Variants in ALK observed in about 807,000 individuals in gnomAD.
ALK encodes ALK tyrosine kinase receptor.
ALK carries 74 observed loss-of-function variants against 163.1 expected under a neutral mutation model. The ratio of observed to expected loss-of-function variants is 0.45; its 90% CI spans 0.38 to 0.55. The LOEUF (loss-of-function observed/expected upper bound fraction) is 0.55, where lower values mean the gene tolerates loss of function less well. Among genes scored for constraint, ALK ranks in the 20% least tolerant of loss-of-function variants. ALK has a pLI of 0.00. For missense variants in ALK, 2,063 were observed against 2,105.3 expected (o/e 0.98, Z 0.39); for synonymous variants, 960 against 843.2 (o/e 1.14, Z -2.40).
chr2:29,508,733 C>A (rs1474477383), intron 4 of ALK, among the ~76,000 whole-genome samples: 3 of 65,496 alleles, frequency 4.6e-5, no homozygotes, highest in Admixed American at 2.3e-4. Context: ...ATCTGCAACT[C>A]AAAAAAAAAA....
intron 1 of ALK, among the ~76,000 whole-genome samples, chr2:29,770,889 CCACA>C (rs905110422): frequency 2.0e-5 from 3 of 150,748 alleles, no homozygotes; most frequent in South Asian, 2.1e-4. Context: ...ATGCACACAG[CCACA>C]CACACAGTCT....
chr2:29,677,103 C>T lies in ALK; in HGVS notation c.952+17747G>A, dbSNP rs1573547816. Among the ~76,000 whole-genome samples, 3 of 151,922 alleles carry T rather than the reference C, an allele frequency of 2.0e-5. No homozygotes were observed. The South Asian group carries it at 6.3e-4, about 32-fold the overall frequency. ...TAAAGGCAATTTTATTTTATCCTTT[C>T]CAATCTGTATATCTGTATGTTTTTA... is the stretch of plus-strand genomic sequence containing the variant. On this transcript the variant is annotated intron_variant, in intron 3 of 28. Coordinates refer to ENST00000389048, the MANE Select transcript of ALK (RefSeq NM_004304.5).
chr2:29,877,046 T>C (rs1479238158), intron 1 of ALK, among the ~76,000 whole-genome samples: 1 of 152,234 alleles, frequency 6.6e-6, no homozygotes, highest in African/African-American at 2.4e-5. Context: ...AGCTTAGAGC[T>C]AATCCAATCC....
intron 1 of ALK, among the ~76,000 whole-genome samples, chr2:29,897,795 C>T (rs1667308266): frequency 6.6e-6 from 1 of 152,142 alleles, no homozygotes; most frequent in Admixed American, 6.5e-5. Flanking sequence ...TGTCCATGCC[C>T]CTCCTGTACC....
In ALK at chr2:29,225,552, C is replaced by T. The variant is rs747320964; in HGVS notation, c.3081G>A (p.Pro1027=). ...TCAGCGAGAGTGGCAGGTGTGGCTC[C>T]GGGGTGGGTGACACTGGAAGACAGG... The part of the protein sequence containing the change: ...DGVSCIVSPT[P]EPHLPLSLIL... Residue 1027 remains proline, a synonymous_variant, in exon 19 of 29, where the codon CCG becomes CCA. Transcript: ENST00000389048. 72 of 1,599,534 alleles carry T rather than the reference C, an allele frequency of 4.5e-5. No homozygotes were observed. Among genetic ancestry groups the T allele is most frequent in the African/African-American group, 9.4e-5 (7 of 74,366 alleles).
chr2:29,516,329 T>C (rs1672662281), intron 4 of ALK, among the ~76,000 whole-genome samples: 1 of 152,188 alleles, frequency 6.6e-6, no homozygotes, highest in Non-Finnish European at 1.5e-5. Flanking sequence ...CTCTCCAGCT[T>C]GCAATGGTTC....
chr2:29,469,446 T>A (rs1036536530), intron 4 of ALK, among the ~76,000 whole-genome samples: 1 of 152,168 alleles, frequency 6.6e-6, no homozygotes, highest in Non-Finnish European at 1.5e-5. Flanking sequence ...TATTTTTAGG[T>A]CCATCTTTCA....
At chr2:29,233,772 C>A in intron 13 of ALK, 76 bp from the exon 14 acceptor site, 3 of 1,593,520 alleles carry the variant, frequency 1.9e-6, no homozygotes, top group Non-Finnish European at 2.6e-6. Flanking sequence ...AACTTCTATG[C>A]TTAAAAACAG....
intron 2 of ALK, among the ~76,000 whole-genome samples, chr2:29,702,424 A>G (rs1278413847): frequency 6.6e-6 from 1 of 152,088 alleles, no homozygotes; most frequent in Non-Finnish European, 1.5e-5. Flanking sequence ...GAAGGTTCTG[A>G]TATGACCTAT....
intron 3 of ALK, among the ~76,000 whole-genome samples, chr2:29,623,714 G>A (rs1212355225): frequency 6.6e-6 from 1 of 152,160 alleles, no homozygotes; most frequent in African/African-American, 2.4e-5. Flanking sequence ...CTAGAGTTTA[G>A]AAGAAAAACA....
chr2:29,752,386 G>A (rs1187350699), intron 1 of ALK, among the ~76,000 whole-genome samples: 1 of 121,710 alleles, frequency 8.2e-6, no homozygotes, highest in East Asian at 2.3e-4. Flanking sequence ...GTTTCGCTCT[G>A]TCGCCCAGGC....
At chr2:29,468,696 A>C (rs369219544) in intron 4 of ALK, among the ~76,000 whole-genome samples, 22 of 148,636 alleles carry the variant, frequency 1.5e-4, no homozygotes, top group African/African-American at 5.4e-4. Flanking sequence ...AAAAAATTTG[A>C]AAAAAAATGT....
At chr2:29,904,777 T>C (rs2148433230) in intron 1 of ALK, among the ~76,000 whole-genome samples, 1 of 152,340 alleles carries the variant, frequency 6.6e-6, no homozygotes, top group Non-Finnish European at 1.5e-5. Flanking sequence ...TATCCTCTCC[T>C]TTCAGAAGTA....
intron 4 of ALK, among the ~76,000 whole-genome samples, chr2:29,421,617 C>G (rs1670017646): frequency 6.6e-6 from 1 of 151,444 alleles, no homozygotes; most frequent in South Asian, 2.1e-4. Flanking sequence ...TGTGATTGAC[C>G]TCTGACTCCC....
At chr2:29,674,251 C>T (rs1677801622) in intron 3 of ALK, among the ~76,000 whole-genome samples, 1 of 151,418 alleles carries the variant, frequency 6.6e-6, no homozygotes, top group Non-Finnish European at 1.5e-5. Context: ...CTGTCTTGTG[C>T]CAGTTTTCAA....
chr2:29,879,028 G>C (rs1228163877), intron 1 of ALK, among the ~76,000 whole-genome samples: 1 of 152,166 alleles, frequency 6.6e-6, no homozygotes, highest in African/African-American at 2.4e-5. Context: ...GGGAGTGTCA[G>C]TCAGCAGAAG....
chr2:29,639,490 G>A lies in ALK; in HGVS notation c.952+55360C>T, dbSNP rs534547712. ...CCTTGCCACATTCCACTAAGGATTT[G>A]AGCAAACTTACAAGACTTTGCACTC... On this transcript the variant is annotated intron_variant, in intron 3 of 28. Transcript: ENST00000389048. Among the ~76,000 whole-genome samples, 6 of 152,208 alleles carry A rather than the reference G, an allele frequency of 3.9e-5. No homozygotes were observed. The South Asian group carries it at 1.2e-3, about 32-fold the overall frequency.
rs150571100 is a variant in ALK, at chr2:29,839,179, G to A, written c.667+80814C>T. ...CACCTTAGTGCAAATTAGTTTATCTGTTTCTTTTCTAAGAATGTGTTTTTG... is the reference window on the plus strand; with the variant it reads ...CACCTTAGTGCAAATTAGTTTATCTATTTCTTTTCTAAGAATGTGTTTTTG... On this transcript the variant is annotated intron_variant, in intron 1 of 28. Coordinates refer to ENST00000389048, the MANE Select transcript of ALK (RefSeq NM_004304.5). Among the ~76,000 whole-genome samples the A allele has an allele frequency of 2.3e-3, 357 of 152,210 alleles. 1 individual carries two copies. The highest frequency in any genetic ancestry group is 8.4e-3 in the African/African-American group (349 of 41,524).
chr2:29,496,028 T>C (rs1247875622), intron 4 of ALK, among the ~76,000 whole-genome samples: 1 of 152,216 alleles, frequency 6.6e-6, no homozygotes, highest in East Asian at 1.9e-4. Flanking sequence ...AACTCCTATG[T>C]TGAGATCCCC....
Sources: allele counts gnomAD v4.1 joint callset (sites outside exome capture counted in the v4.1 genomes callset), GRCh38; gene constraint gnomAD v4.1.1; transcripts MANE v1.5; gene names NCBI Gene and HGNC (gene_info 2026-07-23, HGNC 2026-07-21).